Variants in EPS15L1 observed in about 807,000 individuals in gnomAD.
EPS15L1 encodes the protein epidermal growth factor receptor substrate 15-like 1.
EPS15L1 carries 43 observed loss-of-function variants against 117.1 expected under a neutral mutation model. The ratio of observed to expected loss-of-function variants is 0.37; its 90% CI spans 0.29 to 0.47. The LOEUF (loss-of-function observed/expected upper bound fraction) is 0.47. EPS15L1 is among the 20% of genes least tolerant of loss of function. EPS15L1 has a pLI of 0.99. For synonymous variants in EPS15L1, 459 were observed against 470.5 expected (o/e 0.98, Z 0.32); for missense variants, 981 against 1,164.0 (o/e 0.84, Z 2.29).
At chr19:16,466,254 TG>T (rs1438252508) in intron 1 of EPS15L1, among the ~76,000 whole-genome samples, 4 of 152,086 alleles carry the variant, frequency 2.6e-5, no homozygotes, top group Non-Finnish European at 4.4e-5. Context: ...TCCAGTGATC[TG>T]CCCCTCTTGC....
intron 4 of EPS15L1, among the ~76,000 whole-genome samples, chr19:16,438,882 G>C (rs1000474449): frequency 1.3e-5 from 2 of 151,932 alleles, no homozygotes; most frequent in African/African-American, 4.8e-5. Context: ...ACTCATATCT[G>C]TGGTTCACCA....
chr19:16,385,420 C>T (rs1247149762), intron 20 of EPS15L1, among the ~76,000 whole-genome samples: 1 of 152,198 alleles, frequency 6.6e-6, no homozygotes, highest in Non-Finnish European at 1.5e-5. Context: ...GTGACGACCA[C>T]TCTGGGAGGG....
intron 3 of EPS15L1, chr19:16,441,266 T>C (rs1207794792): frequency 6.6e-6 from 2 of 301,190 alleles, no homozygotes; most frequent in African/African-American, 4.3e-5. Context: ...AGGTCAGGAG[T>C]GCGAGACCAG....
intron 21 of EPS15L1, 108 bp from the exon 22 acceptor site, chr19:16,377,362 C>A: frequency 1.6e-6 from 2 of 1,269,596 alleles, no homozygotes; most frequent in South Asian, 1.3e-5. Flanking sequence ...AGGCCTCCTA[C>A]CCTCTGGACT....
intron 13 of EPS15L1, among the ~76,000 whole-genome samples, chr19:16,407,463 G>A (rs958428855): frequency 1.3e-5 from 2 of 152,016 alleles, no homozygotes; most frequent in Non-Finnish European, 2.9e-5. Flanking sequence ...ACGCCACCAC[G>A]CCCAGTTGCG....
At chr19:16,369,293 A>T (rs2092186892) in intron 22 of EPS15L1, among the ~76,000 whole-genome samples, 1 of 152,200 alleles carries the variant, frequency 6.6e-6, no homozygotes, top group African/African-American at 2.4e-5. Context: ...CTGCGATCGC[A>T]GCGTTGAGAT....
At chr19:16,419,340 T>C (rs1448743992) in intron 10 of EPS15L1, among the ~76,000 whole-genome samples, 1 of 152,006 alleles carries the variant, frequency 6.6e-6, no homozygotes, top group Non-Finnish European at 1.5e-5. Flanking sequence ...GCGCCTGTAA[T>C]CCCAGCTGCT....
chr19:16,394,029 T>C (rs1356677518), intron 17 of EPS15L1, 28 bp from the exon 18 acceptor site: 4 of 1,612,506 alleles, frequency 2.5e-6, no homozygotes, highest in African/African-American at 1.3e-5. Context: ...GAAATGCTTA[T>C]TAGCTCTAGG....
Position 16,385,219 on chromosome 19 carries a change from C to T in EPS15L1, c.2165-8G>A, listed in dbSNP as rs377365202. 30 of 1,613,122 alleles carry T rather than the reference C, an allele frequency of 1.9e-5. No individual in the cohort carries two copies. The highest frequency in any genetic ancestry group is 5.3e-5 in the African/African-American group (4 of 74,892). On this transcript the variant is annotated splice_region_variant and splice_polypyrimidine_tract_variant and intron_variant, in intron 20 of 23. Transcript: ENST00000455140. ...CTAAGGTTCCAAAGGGATCTGCAAT[C>T]GGCACCAACAAAGTCAGAGTTACAG...
intron 21 of EPS15L1, among the ~76,000 whole-genome samples, chr19:16,380,731 C>T (rs1021162195): frequency 6.6e-6 from 1 of 152,250 alleles, no homozygotes; most frequent in Non-Finnish European, 1.5e-5. Context: ...ACAGATGCGA[C>T]TCTCTAGGTC....
At chr19:16,384,706 ACACCCCTTGAGAGTTCTGT>A (rs1446887378) in intron 21 of EPS15L1, among the ~76,000 whole-genome samples, 19 of 152,100 alleles carry the variant, frequency 1.2e-4, no homozygotes, top group African/African-American at 4.3e-4. Flanking sequence ...TCACTTTTCA[ACACCCCTTGAGAGTTCTGT>A]CACATGGGCG....
Position 16,355,693 on chromosome 19 carries a change from C to T in EPS15L1, c.*12G>A. The T allele has an allele frequency of 6.5e-7, 1 of 1,534,392 alleles. No homozygotes were observed. The highest frequency in any genetic ancestry group is 1.2e-5 in the South Asian group (1 of 83,928). On this transcript the variant is annotated 3_prime_UTR_variant, in exon 24 of 24. Transcript: ENST00000455140. ...CCGCCCGTGCCCTGTCCCGCCTACA[C>T]ACGGCCCTCGCCTAGGCGGCAGGCA...
In EPS15L1 at chr19:16,371,749, C is replaced by G. The variant is rs1206071685; in HGVS notation, c.2380+5373G>C. 6.7e-6 allele frequency among the ~76,000 whole-genome samples: 1 copy of G among 148,840 alleles called. No homozygotes were observed. The highest frequency in any genetic ancestry group is 6.7e-5 in the Admixed American group (1 of 14,892). Reference sequence around the variant, plus strand: ...GCCCAATCACTGACACCCACACAGCCGTTTCCTGCACTTAAAAAAAAAATC... The same window carrying G: ...GCCCAATCACTGACACCCACACAGCGGTTTCCTGCACTTAAAAAAAAAATC... On this transcript the variant is annotated intron_variant, in intron 22 of 23. Coordinates refer to ENST00000455140, the MANE Select transcript of EPS15L1 (RefSeq NM_001258374.3). This position sits in a 1 kb window ranked among gnomAD's most constrained non-coding sequence, Gnocchi z 4.7.
chr19:16,436,907 C>G (rs373660699), intron 6 of EPS15L1, 30 bp downstream of exon 6: 1 of 1,568,786 alleles, frequency 6.4e-7, no homozygotes, highest in African/African-American at 1.4e-5. Flanking sequence ...TGAAGGAGAG[C>G]CAAGGAGGGA....
At chr19:16,363,788 T>C (rs2092094541) in intron 22 of EPS15L1, among the ~76,000 whole-genome samples, 1 of 152,250 alleles carries the variant, frequency 6.6e-6, no homozygotes, top group Admixed American at 6.5e-5. Flanking sequence ...CCCTTGCCTG[T>C]AGCCCTACTT....
chr19:16,450,281 T>C (rs769676563), intron 1 of EPS15L1, among the ~76,000 whole-genome samples: 1 of 151,960 alleles, frequency 6.6e-6, no homozygotes, highest in Non-Finnish European at 1.5e-5. Flanking sequence ...GATTCCGTGC[T>C]CTGATGCCCT....
intron 1 of EPS15L1, among the ~76,000 whole-genome samples, chr19:16,442,983 G>A (rs1032754004): frequency 1.3e-5 from 2 of 152,218 alleles, no homozygotes; most frequent in Admixed American, 1.3e-4. Context: ...AGCTCTGCCA[G>A]ACGTCTCCCA....
Position 16,446,207 on chromosome 19 carries a change from G to A in EPS15L1, c.34-3988C>T, listed in dbSNP as rs150714690. Among the ~76,000 whole-genome samples, 4 of 152,298 alleles carry A rather than the reference G, an allele frequency of 2.6e-5. No homozygotes were observed. The East Asian group carries it at 7.7e-4, about 29-fold the overall frequency. Reference sequence around the variant, plus strand: ...CCAGGACAACAGCAGTTGAGATGGAGAAACCCAGCAGAACCACCTCGGAGG... The same window carrying A: ...CCAGGACAACAGCAGTTGAGATGGAAAAACCCAGCAGAACCACCTCGGAGG... On this transcript the variant is annotated intron_variant, in intron 1 of 23. Coordinates refer to ENST00000455140, the MANE Select transcript of EPS15L1 (RefSeq NM_001258374.3).
At chr19:16,456,880 G>A (rs2093202350) in intron 1 of EPS15L1, among the ~76,000 whole-genome samples, 1 of 152,038 alleles carries the variant, frequency 6.6e-6, no homozygotes, top group African/African-American at 2.4e-5. Flanking sequence ...CAGGTGGAAG[G>A]GCATGTGCAT....
Sources: allele counts gnomAD v4.1 joint callset (sites outside exome capture counted in the v4.1 genomes callset), GRCh38; gene constraint gnomAD v4.1.1; non-coding constraint Gnocchi (gnomAD v3.1); transcripts MANE v1.5; gene names NCBI Gene and HGNC (gene_info 2026-07-23, HGNC 2026-07-21).